ZNF827: variants seen among roughly 807,000 people sequenced by gnomAD.
ZNF827 encodes zinc finger protein 827.
ZNF827 carries 13 observed loss-of-function variants against 102.4 expected under a neutral mutation model. The observed-to-expected ratio is 0.13, with a 90% CI of 0.08 to 0.20. ZNF827 has a LOEUF of 0.20. ZNF827 is among the 10% of genes least tolerant of loss of function. ZNF827 has a pLI of 1.00. For synonymous variants in ZNF827, 523 were observed against 536.2 expected (o/e 0.98, Z 0.34); for missense variants, 1,103 against 1,344.4 (o/e 0.82, Z 2.81).
intron 11 of ZNF827, among the ~76,000 whole-genome samples, chr4:145,766,119 T>C (rs989365537): frequency 4.6e-5 from 7 of 152,170 alleles, no homozygotes; most frequent in Non-Finnish European, 7.3e-5. Flanking sequence ...CATTTTACGA[T>C]GAGGGAATGG....
At chr4:145,820,941 C>G (rs1579284482) in intron 8 of ZNF827, among the ~76,000 whole-genome samples, 1 of 152,224 alleles carries the variant, frequency 6.6e-6, no homozygotes, top group Admixed American at 6.5e-5. Flanking sequence ...CTTCAGTGTT[C>G]TTGCTCCCAG....
chr4:145,902,585 T>A lies in ZNF827; in HGVS notation c.674A>T (p.Asp225Val), dbSNP rs749063083. 16 of 1,613,892 alleles carry A rather than the reference T, an allele frequency of 9.9e-6. No individual in the cohort carries two copies. In the East Asian group the frequency reaches 3.3e-4, roughly 34 times the overall value. The change falls in exon 2 of 15, where the codon GAC becomes GTC. Residue 225 changes from aspartate (D) to valine (V), a missense_variant. Physicochemically the swap from Asp to Val is radical, Grantham distance 152. Coordinates refer to ENST00000508784, the MANE Select transcript of ZNF827 (RefSeq NM_001306215.2). This position sits in a 1 kb window ranked among gnomAD's most constrained non-coding sequence, Gnocchi z 4.3. ...CTCCTCAGTCCTGGTGAGAGATTTGTCCTGCAGAACGGCATTGGCTGCAGC... is the reference window on the plus strand; with the variant it reads ...CTCCTCAGTCCTGGTGAGAGATTTGACCTGCAGAACGGCATTGGCTGCAGC... ...LKAAANAVLQ[D>V]KSLTRTEETM...
At chr4:145,885,200 T>C (rs2126819209) in intron 4 of ZNF827, among the ~76,000 whole-genome samples, 1 of 152,210 alleles carries the variant, frequency 6.6e-6, no homozygotes, top group South Asian at 2.1e-4. Flanking sequence ...ATTTTAGAAG[T>C]CTATAATTCC....
chr4:145,823,059 A>C (rs998992316), intron 8 of ZNF827, among the ~76,000 whole-genome samples: 1 of 152,176 alleles, frequency 6.6e-6, no homozygotes, highest in Non-Finnish European at 1.5e-5. Context: ...ACTGGGGACT[A>C]GCACTCTTCG....
intron 1 of ZNF827, among the ~76,000 whole-genome samples, chr4:145,935,948 C>T (rs1055361002): frequency 7.9e-5 from 12 of 152,224 alleles, no homozygotes; most frequent in African/African-American, 2.6e-4. Flanking sequence ...CCCTTCTCCT[C>T]TCCCACCCTC....
At position 145,893,944 on chromosome 4, in the gene ZNF827, C is replaced by CA. The variant is rs925876390; in HGVS notation, c.1094-1530dup. ...AAAATAAAGACTTAAGAGATATATA[C>CA]AAAAAAAAAAAGCAAGGTGTGAAGC... On this transcript the variant is annotated intron_variant, in intron 2 of 14. Transcript: ENST00000508784. Among the ~76,000 whole-genome samples, 418 of 132,968 alleles carry CA rather than the reference C, an allele frequency of 3.1e-3. 1 individual carries two copies. Among genetic ancestry groups the CA allele is most frequent in the East Asian group, 9.5e-3 (44 of 4,642 alleles). The allele number at this position is 132,968 out of a possible 152,430, so 87.2% of individuals were successfully genotyped here. A position where few individuals can be genotyped will look rare whatever the true frequency, so the allele number is the denominator to read the frequency against.
chr4:145,814,966 C>T (rs1742447506), intron 8 of ZNF827, among the ~76,000 whole-genome samples: 1 of 151,766 alleles, frequency 6.6e-6, no homozygotes, highest in Non-Finnish European at 1.5e-5. Flanking sequence ...CAAAAAAACC[C>T]AAAAATTGCA....
At chr4:145,915,341 G>A (rs1489839411) in intron 1 of ZNF827, among the ~76,000 whole-genome samples, 1 of 152,074 alleles carries the variant, frequency 6.6e-6, no homozygotes, top group African/African-American at 2.4e-5. Context: ...CAGCTACTCG[G>A]GAGGCTGAGG....
At chr4:145,891,513 C>G (rs1019601455) in intron 3 of ZNF827, among the ~76,000 whole-genome samples, 1 of 152,192 alleles carries the variant, frequency 6.6e-6, no homozygotes, top group African/African-American at 2.4e-5. Flanking sequence ...ATAAGAGGGA[C>G]TCATGGATTC....
chr4:145,780,492 A>G (rs1198356802), intron 8 of ZNF827, among the ~76,000 whole-genome samples: 2 of 152,260 alleles, frequency 1.3e-5, no homozygotes, highest in African/African-American at 4.8e-5. Context: ...CCCATAATTC[A>G]TAGCCATGAA....
In ZNF827 at chr4:145,870,487, AG is replaced by A. The variant is rs1748587330; in HGVS notation, c.1748-10del. 6.2e-7 allele frequency: 1 copy of A among 1,612,960 alleles called. No homozygotes were observed. The highest frequency in any genetic ancestry group is 1.3e-5 in the African/African-American group (1 of 74,886). ...CTCCTTCTGATTTGCAGCTGTCAAA[AG>A]AAAAAAAGGGATTATATATACATAA... On this transcript the variant is annotated splice_polypyrimidine_tract_variant and intron_variant, in intron 4 of 14. Coordinates refer to ENST00000508784, the MANE Select transcript of ZNF827 (RefSeq NM_001306215.2).
In ZNF827 at chr4:145,775,595, AC is replaced by A. The variant is rs1187975203; in HGVS notation, c.2693+193del. Among the ~76,000 whole-genome samples the A allele has an allele frequency of 3.3e-5, 5 of 152,010 alleles. No individual in the cohort carries two copies. In the East Asian group the frequency reaches 9.6e-4, roughly 29 times the overall value. ...GACCATTTCTCTTTCAATTAATACC[AC>A]CAGGGGCACCCAAACCAAGAGAGGA... On this transcript the variant is annotated intron_variant, in intron 10 of 14. Transcript: ENST00000508784.
rs1735096920 is a variant in ZNF827, at chr4:145,765,195, G to C, written c.3053-30C>G. On this transcript the variant is annotated intron_variant, in intron 12 of 14. Coordinates refer to ENST00000508784, the MANE Select transcript of ZNF827 (RefSeq NM_001306215.2). This position sits in a 1 kb window ranked among gnomAD's most constrained non-coding sequence, Gnocchi z 4.7. ...AAGGACCGAAGCTGGGTATAGAGGTGCACAGGGCAGCGGGGAGAGGAGGGC... is the reference window on the plus strand; with the variant it reads ...AAGGACCGAAGCTGGGTATAGAGGTCCACAGGGCAGCGGGGAGAGGAGGGC... 6.4e-7 allele frequency: 1 copy of C among 1,565,922 alleles called. No homozygotes were observed. The highest frequency in any genetic ancestry group is 8.7e-7 in the Non-Finnish European group (1 of 1,153,386).
rs181706727 is a variant in ZNF827, at chr4:145,794,853, C to T, written c.2384-15342G>A. Among the ~76,000 whole-genome samples, 7 of 152,260 alleles carry T rather than the reference C, an allele frequency of 4.6e-5. No homozygotes were observed. The East Asian group carries it at 1.4e-3, about 29-fold the overall frequency. On this transcript the variant is annotated intron_variant, in intron 8 of 14. Transcript: ENST00000508784. ...ACAAAACACTGCATAACACCATATC[C>T]CAAATATTGGTTTGGCAAGAAACCA...
At chr4:145,791,341 A>C (rs937454436) in intron 8 of ZNF827, among the ~76,000 whole-genome samples, 9 of 152,136 alleles carry the variant, frequency 5.9e-5, no homozygotes, top group Admixed American at 5.9e-4. Flanking sequence ...CACTCCCAAG[A>C]CCTAAGCACT....
rs1164949293 is a variant in ZNF827 at position 145,933,087 on chromosome 4, T to C, written c.43+5278A>G. Among the ~76,000 whole-genome samples, 3 of 152,234 alleles carry C rather than the reference T, an allele frequency of 2.0e-5. No individual in the cohort carries two copies. In the East Asian group the frequency reaches 5.8e-4, roughly 29 times the overall value. On this transcript the variant is annotated intron_variant, in intron 1 of 14. Coordinates refer to ENST00000508784, the MANE Select transcript of ZNF827 (RefSeq NM_001306215.2). Reference sequence around the variant, plus strand: ...TCATCCCCAGAGTGAGATGGCAGCATGCAGGTAAATTAAAAATCAATGTTT... The same window carrying C: ...TCATCCCCAGAGTGAGATGGCAGCACGCAGGTAAATTAAAAATCAATGTTT...
chr4:145,806,371 G>C (rs1482608361), intron 8 of ZNF827, among the ~76,000 whole-genome samples: 3 of 151,808 alleles, frequency 2.0e-5, no homozygotes, highest in African/African-American at 7.3e-5. Context: ...GCCCAGGCTG[G>C]TCTCGAACTC....
chr4:145,778,537 G>A (rs772880179), intron 9 of ZNF827, among the ~76,000 whole-genome samples: 21 of 152,096 alleles, frequency 1.4e-4, no homozygotes, highest in African/African-American at 5.1e-4. Flanking sequence ...ACTTGAACCC[G>A]GGAGGCAGAG....
intron 6 of ZNF827, among the ~76,000 whole-genome samples, chr4:145,846,855 A>C (rs1436250932): frequency 2.1e-5 from 3 of 145,030 alleles, no homozygotes; most frequent in East Asian, 4.2e-4. Context: ...ACAACAACAA[A>C]AAACAACCAT....
Sources: gnomAD v4.1 joint callset for allele counts (sites outside exome capture counted in the v4.1 genomes callset) on GRCh38, gnomAD v4.1.1 for gene constraint, Gnocchi (gnomAD v3.1) non-coding constraint, MANE v1.5 for transcripts, NCBI Gene and HGNC (gene_info 2026-07-23, HGNC 2026-07-21) for gene names.